The following PLD5 variants were observed in gnomAD, a reference collection of about 807,000 sequenced individuals.
PLD5 encodes phospholipase D family member 5.
Under a neutral mutation model 61.1 loss-of-function variants are expected in PLD5, and 36 were observed. The observed-to-expected ratio is 0.59, with a 90% CI of 0.45 to 0.78. The LOEUF (loss-of-function observed/expected upper bound fraction) is 0.78. Among genes scored for constraint, PLD5 ranks in the 30% least tolerant of loss-of-function variants. PLD5 has a pLI of 0.00. For synonymous variants in PLD5, 243 were observed against 242.8 expected, an observed-to-expected ratio of 1.00 and a Z score of -0.01; for missense variants, 515 against 644.4, an observed-to-expected ratio of 0.80 and a Z score of 2.17.
chr1:242,297,701 G>A (rs890386532), intron 2 of PLD5, among the ~76,000 whole-genome samples: 5 of 141,858 alleles, frequency 3.5e-5, no homozygotes, highest in Admixed American at 7.3e-5. Context: ...CTGCAGTGGC[G>A]CAATCTCGGC....
chr1:242,306,714 TGAGA>T (rs1676371769), intron 2 of PLD5, among the ~76,000 whole-genome samples: 1 of 150,662 alleles, frequency 6.6e-6, no homozygotes, highest in East Asian at 2.0e-4. Context: ...AATGCTACAC[TGAGA>T]AAGAGAATAA....
intron 2 of PLD5, among the ~76,000 whole-genome samples, chr1:242,293,068 C>G (rs534735109): frequency 6.6e-6 from 1 of 152,178 alleles, no homozygotes; most frequent in Non-Finnish European, 1.5e-5. Flanking sequence ...ATTACAAACA[C>G]ATTCTTATAA....
At chr1:242,182,716 G>A (rs915818861) in intron 5 of PLD5, among the ~76,000 whole-genome samples, 15 of 152,256 alleles carry the variant, frequency 9.9e-5, no homozygotes, top group African/African-American at 2.2e-4. Flanking sequence ...GGTGGCACAC[G>A]CCCGAAATCC....
intron 1 of PLD5, among the ~76,000 whole-genome samples, chr1:242,366,637 T>C (rs1295260420): frequency 6.6e-6 from 1 of 152,208 alleles, no homozygotes; most frequent in Admixed American, 6.5e-5. Flanking sequence ...GGTAATTTAT[T>C]GCCATTACCT....
rs1245471864 is a variant in PLD5 at position 242,357,047 on chromosome 1, C to T, written c.190-8805G>A. 3.1e-5 allele frequency among the ~76,000 whole-genome samples: 3 copies of T among 95,290 alleles called. No homozygotes were observed. The South Asian group carries it at 1.5e-3, about 48-fold the overall frequency. The allele number at this position is 95,290 out of a possible 152,430, so 62.5% of individuals were successfully genotyped here. A position where few individuals can be genotyped will look rare whatever the true frequency, so the allele number is the denominator to read the frequency against. On this transcript the variant is annotated intron_variant, in intron 1 of 9. Coordinates refer to ENST00000536534, the MANE Select transcript of PLD5 (RefSeq NM_001372062.1). Reference sequence around the variant, plus strand: ...TTGTGCTTTTCTAAATGTTATGTTACTAGTTAGAAGCATTTTTTTTTTTAG... The same window carrying T: ...TTGTGCTTTTCTAAATGTTATGTTATTAGTTAGAAGCATTTTTTTTTTTAG...
At chr1:242,323,961 C>T (rs1221642426) in intron 2 of PLD5, among the ~76,000 whole-genome samples, 1 of 152,064 alleles carries the variant, frequency 6.6e-6, no homozygotes, top group Admixed American at 6.6e-5. Context: ...ACTGTGAAAT[C>T]ATTATATTTT....
At chr1:242,529,791 C>CTTCCTTCCTTCT in the PLD5 span, among the ~76,000 whole-genome samples, 28 of 142,744 alleles carry the variant, frequency 2.0e-4, no homozygotes, top group South Asian at 1.7e-3. Flanking sequence ...TCCTTCCTTC[C>CTTCCTTCCTTCT]TTCCTTCCTT....
intron 6 of PLD5, among the ~76,000 whole-genome samples, chr1:242,123,097 C>T (rs1662512967): frequency 6.6e-6 from 1 of 152,164 alleles, no homozygotes; most frequent in African/African-American, 2.4e-5. Context: ...TAAATCTGCA[C>T]TTTAAGCATA....
chr1:242,256,721 C>T lies in PLD5; in HGVS notation c.607+8616G>A, dbSNP rs1490727918. Among the ~76,000 whole-genome samples the T allele has an allele frequency of 1.3e-5, 2 of 152,070 alleles. No individual in the cohort carries two copies. The highest frequency in any genetic ancestry group is 2.9e-5 in the Non-Finnish European group (2 of 68,018). ...ATAAATTGCCCAGTCTCAGTTATTA[C>T]AGCAGCACAAATGAACTAAGACTAT... On this transcript the variant is annotated intron_variant, in intron 4 of 9. Coordinates refer to ENST00000536534, the MANE Select transcript of PLD5 (RefSeq NM_001372062.1). This position sits in a 1 kb window ranked among gnomAD's most constrained non-coding sequence, Gnocchi z 5.7.
intron 5 of PLD5, among the ~76,000 whole-genome samples, chr1:242,160,434 A>C (rs1363087247): frequency 6.6e-6 from 1 of 152,162 alleles, no homozygotes; most frequent in East Asian, 1.9e-4. Flanking sequence ...TGTTCAACAT[A>C]ACATTCCTGA....
intron 7 of PLD5, among the ~76,000 whole-genome samples, chr1:242,112,319 G>GTGTA (rs1553301146): frequency 3.2e-5 from 3 of 94,516 alleles, no homozygotes; most frequent in Non-Finnish European, 5.7e-5. Context: ...GTGTGTGTGT[G>GTGTA]TGTGTATGTA....
rs537826293 is a variant in PLD5, at chr1:242,437,031, T to C, written c.189+87057A>G. Among the ~76,000 whole-genome samples the C allele has an allele frequency of 9.2e-5, 14 of 152,230 alleles. No homozygotes were observed. The South Asian group carries it at 2.3e-3, about 25-fold the overall frequency. On this transcript the variant is annotated intron_variant, in intron 1 of 9. Coordinates refer to ENST00000536534, the MANE Select transcript of PLD5 (RefSeq NM_001372062.1). ...GGCACCAAACCAGGAGTCCTGAAAG[T>C]TGAACCCCTTTGTCAGAGGTTTATA...
chr1:242,276,491 T>C (rs1235342915), intron 3 of PLD5, among the ~76,000 whole-genome samples: 1 of 143,390 alleles, frequency 7.0e-6, no homozygotes, highest in Non-Finnish European at 1.5e-5. Context: ...CCAGGTATTG[T>C]TTATGAGATA....
In PLD5 at chr1:242,161,846, G is replaced by C. The variant is rs1665861520; in HGVS notation, c.736-37181C>G. Among the ~76,000 whole-genome samples, 3 of 152,220 alleles carry C rather than the reference G, an allele frequency of 2.0e-5. 1 individual carries two copies. In the Middle Eastern group the frequency reaches 0.01, roughly 518 times the overall value. Reference sequence around the variant, plus strand: ...CTCAATCAAGACAGGGAACACTGAGGTACAACCACATAGAGCATCGGAGCT... The same window carrying C: ...CTCAATCAAGACAGGGAACACTGAGCTACAACCACATAGAGCATCGGAGCT... On this transcript the variant is annotated intron_variant, in intron 5 of 9. Transcript: ENST00000536534.
intron 1 of PLD5, among the ~76,000 whole-genome samples, chr1:242,356,513 C>T (rs915378245): frequency 6.6e-6 from 1 of 152,018 alleles, no homozygotes; most frequent in African/African-American, 2.4e-5. Context: ...TTAGTTCATT[C>T]ATCACTCTAT....
chr1:242,136,934 C>CA (rs1411861349), intron 5 of PLD5, among the ~76,000 whole-genome samples: 2 of 152,184 alleles, frequency 1.3e-5, no homozygotes, highest in African/African-American at 2.4e-5. Context: ...AAATACAGAA[C>CA]ATTTCACTGG....
intron 1 of PLD5, among the ~76,000 whole-genome samples, chr1:242,514,992 A>AT (rs1319879020): frequency 6.6e-6 from 1 of 152,140 alleles, no homozygotes; most frequent in Admixed American, 6.5e-5. Context: ...CATTTTATTT[A>AT]TTTTTTGTAA....
rs145310817 is a variant in PLD5 at position 242,308,667 on chromosome 1, G to GA, written c.327-20138dup. Among the ~76,000 whole-genome samples, 47 of 150,740 alleles carry GA rather than the reference G, an allele frequency of 3.1e-4. No individual in the cohort carries two copies. In the South Asian group the frequency reaches 8.8e-3, roughly 28 times the overall value. ...GATTTCAGTTTAAAATACATGAAAT[G>GA]AAAAAAAAATTAAATTCGAAACCTC... On this transcript the variant is annotated intron_variant, in intron 2 of 9. Coordinates refer to ENST00000536534, the MANE Select transcript of PLD5 (RefSeq NM_001372062.1).
At chr1:242,345,814 C>T in intron 2 of PLD5, 1 of 422,624 alleles carries the variant, frequency 2.4e-6, no homozygotes, top group Non-Finnish European at 4.4e-6. Context: ...ACCCTACCTC[C>T]TCATCCTGTG....
Sources: allele counts gnomAD v4.1 joint callset (sites outside exome capture counted in the v4.1 genomes callset), GRCh38; gene constraint gnomAD v4.1.1; non-coding constraint Gnocchi (gnomAD v3.1); transcripts MANE v1.5; gene names NCBI Gene and HGNC (gene_info 2026-07-23, HGNC 2026-07-21).